ABCA1: variants seen among roughly 807,000 people sequenced by gnomAD.
The protein encoded by ABCA1 is ATP binding cassette subfamily A member 1, also known as phospholipid-transporting ATPase ABCA1.
A neutral mutation model predicts 262.5 loss-of-function variants in ABCA1; 133 were observed. The ratio of observed to expected loss-of-function variants is 0.51; its 90% CI spans 0.44 to 0.59. The LOEUF (loss-of-function observed/expected upper bound fraction) is 0.59. Among genes scored for constraint, ABCA1 ranks in the 20% least tolerant of loss-of-function variants. The pLI is 0.00. For synonymous variants in ABCA1, 1,022 were observed against 1,043.5 expected (o/e 0.98, Z 0.40); for missense variants, 2,452 against 2,777.5 (o/e 0.88, Z 2.63).
intron 2 of ABCA1, among the ~76,000 whole-genome samples, chr9:104,902,833 G>A (rs182103739): frequency 3.3e-5 from 5 of 152,166 alleles, no homozygotes; most frequent in African/African-American, 1.2e-4. Flanking sequence ...CATTAAGACA[G>A]CCAAGTGGGG....
intron 7 of ABCA1, among the ~76,000 whole-genome samples, chr9:104,847,019 A>G (rs1193108928): frequency 2.0e-5 from 3 of 152,222 alleles, no homozygotes; most frequent in Non-Finnish European, 4.4e-5. Context: ...ATTGAAAGCT[A>G]TAGGAGGTAA....
At chr9:104,829,818 T>G (rs1398708675) in intron 14 of ABCA1, among the ~76,000 whole-genome samples, 1 of 152,034 alleles carries the variant, frequency 6.6e-6, no homozygotes, top group Non-Finnish European at 1.5e-5. Context: ...GTTTAGAAGG[T>G]GAAAAACAGG....
chr9:104,793,321 A>T (rs1359570977), intron 40 of ABCA1, 21 bp from the exon 41 acceptor site: 1 of 1,614,118 alleles, frequency 6.2e-7, no homozygotes, highest in Non-Finnish European at 8.5e-7. Context: ...CAATGCAGAG[A>T]TCCGGTCAGA....
chr9:104,822,431 A>G, intron 19 of ABCA1, 65 bp downstream of exon 19: 1 of 1,600,676 alleles, frequency 6.2e-7, no homozygotes. Context: ...CTAAGGTATA[A>G]ATTTCTAACT....
At chr9:104,913,708 A>G (rs1841638839) in intron 1 of ABCA1, among the ~76,000 whole-genome samples, 1 of 151,226 alleles carries the variant, frequency 6.6e-6, no homozygotes, top group African/African-American at 2.5e-5. Flanking sequence ...ACTCACTTAT[A>G]CTATTTTCTC....
At chr9:104,793,996 C>A (rs997212446) in intron 40 of ABCA1, among the ~76,000 whole-genome samples, 2 of 152,228 alleles carry the variant, frequency 1.3e-5, no homozygotes, top group Non-Finnish European at 2.9e-5. Context: ...TCTGCAGGCA[C>A]ATGATTCGCC....
intron 2 of ABCA1, among the ~76,000 whole-genome samples, chr9:104,902,812 A>T (rs1204276406): frequency 1.3e-5 from 2 of 152,196 alleles, no homozygotes; most frequent in African/African-American, 4.8e-5. Flanking sequence ...GATTACAGAC[A>T]TGTTAAGCTA....
At chr9:104,872,190 C>T (rs559114802) in intron 5 of ABCA1, among the ~76,000 whole-genome samples, 3 of 152,172 alleles carry the variant, frequency 2.0e-5, no homozygotes, top group African/African-American at 7.2e-5. Flanking sequence ...TATAAAGAAA[C>T]GTATTATTAT....
chr9:104,858,267 G>C (rs1485065251), intron 7 of ABCA1, among the ~76,000 whole-genome samples: 1 of 151,964 alleles, frequency 6.6e-6, no homozygotes, highest in African/African-American at 2.4e-5. Context: ...GGTCTTCTCT[G>C]ATTGAAACAA....
chr9:104,832,307 A>C (rs577874466), intron 12 of ABCA1, among the ~76,000 whole-genome samples: 13 of 152,354 alleles, frequency 8.5e-5, no homozygotes, highest in Admixed American at 7.8e-4. Flanking sequence ...AAAACCTAGA[A>C]GAAAATGGGT....
rs756145267 is a variant in ABCA1 at position 104,781,331 on chromosome 9, T to C, written c.*2984A>G. 3 of 152,546 alleles carry C rather than the reference T, an allele frequency of 2.0e-5. No individual in the cohort carries two copies. The highest frequency in any genetic ancestry group is 2.9e-5 in the Non-Finnish European group (2 of 68,006). The allele number at this position is 152,546 out of a possible 1,614,324, so 9.4% of individuals were successfully genotyped here. A position where few individuals can be genotyped will look rare whatever the true frequency, so the allele number is the denominator to read the frequency against. On this transcript the variant is annotated 3_prime_UTR_variant, in exon 50 of 50. Coordinates refer to ENST00000374736, the MANE Select transcript of ABCA1 (RefSeq NM_005502.4). ...TAGCATACCTAAATCCTTATGGAAA[T>C]AGAAACATTCTAAGGGGGATGCAAC...
chr9:104,815,423 A>C (rs747691187), intron 25 of ABCA1, among the ~76,000 whole-genome samples: 8 of 152,136 alleles, frequency 5.3e-5, no homozygotes, highest in Non-Finnish European at 8.8e-5. Flanking sequence ...GACAGCTTTT[A>C]TATCCCCTTC....
intron 1 of ABCA1, among the ~76,000 whole-genome samples, chr9:104,920,156 T>C (rs1034715591): frequency 3.3e-5 from 5 of 152,188 alleles, no homozygotes; most frequent in African/African-American, 4.8e-5. Context: ...CAAGGTCACA[T>C]GGCTTAATGG....
At chr9:104,922,328 T>C (rs1384558086) in intron 1 of ABCA1, among the ~76,000 whole-genome samples, 1 of 152,192 alleles carries the variant, frequency 6.6e-6, no homozygotes, top group Non-Finnish European at 1.5e-5. Flanking sequence ...CAAATGAAAA[T>C]AGAGAATCCC....
chr9:104,875,351 CAAAA>C (rs749025515), intron 5 of ABCA1, among the ~76,000 whole-genome samples: 1 of 63,988 alleles, frequency 1.6e-5, no homozygotes. Flanking sequence ...GACTCCATCT[CAAAA>C]AAAAAAAAAA....
chr9:104,870,964 G>A (rs912403797), intron 5 of ABCA1, among the ~76,000 whole-genome samples: 1 of 151,996 alleles, frequency 6.6e-6, no homozygotes, highest in Non-Finnish European at 1.5e-5. Flanking sequence ...TCACAATGGT[G>A]GAACGTCATC....
At chr9:104,872,933 A>G (rs1837758531) in intron 5 of ABCA1, among the ~76,000 whole-genome samples, 1 of 152,240 alleles carries the variant, frequency 6.6e-6, no homozygotes, top group Non-Finnish European at 1.5e-5. Context: ...GTCTGAGTAA[A>G]GCTGATCTTT....
intron 39 of ABCA1, among the ~76,000 whole-genome samples, chr9:104,794,858 ATTTGAGT>A (rs901493060): frequency 5.3e-5 from 8 of 152,212 alleles, no homozygotes; most frequent in African/African-American, 1.9e-4. Context: ...CTGGGTCAAT[ATTTGAGT>A]TTCAGGATTT....
intron 3 of ABCA1, among the ~76,000 whole-genome samples, chr9:104,888,073 G>A (rs868598321): frequency 1.3e-5 from 2 of 151,620 alleles, no homozygotes; most frequent in African/African-American, 2.4e-5. Flanking sequence ...GTGTGTGTGT[G>A]TGTGTGTGTG....
Sources: gnomAD v4.1 joint callset for allele counts (sites outside exome capture counted in the v4.1 genomes callset) on GRCh38, gnomAD v4.1.1 for gene constraint, MANE v1.5 for transcripts, NCBI Gene and HGNC (gene_info 2026-07-23, HGNC 2026-07-21) for gene names.